Variants in PTPRG observed in about 807,000 individuals in gnomAD.
PTPRG encodes the protein receptor-type tyrosine-protein phosphatase gamma.
A neutral mutation model predicts 165.3 loss-of-function variants in PTPRG; 102 were observed. The observed-to-expected ratio is 0.62, with a 90% confidence interval of 0.53 to 0.73. The LOEUF is 0.73. Among genes scored for constraint, PTPRG ranks in the 30% least tolerant of loss-of-function variants. The probability of loss-of-function intolerance (pLI) is 0.00; values close to 1 mark genes in which losing one functional copy is unlikely to be tolerated. For missense variants in PTPRG, 1,866 were observed against 1,861.4 expected, an observed-to-expected ratio of 1.00 and a Z score of -0.05; for synonymous variants, 675 against 669.5, an observed-to-expected ratio of 1.01 and a Z score of -0.13.
intron 28 of PTPRG, among the ~76,000 whole-genome samples, chr3:62,288,177 A>G (rs1240373948): frequency 6.6e-6 from 1 of 151,902 alleles, no homozygotes; most frequent in Non-Finnish European, 1.5e-5. Flanking sequence ...TAAACTCTAC[A>G]TATTAGAAAG....
At chr3:61,685,747 A>G (rs1703605139) in intron 1 of PTPRG, among the ~76,000 whole-genome samples, 2 of 152,164 alleles carry the variant, frequency 1.3e-5, no homozygotes, top group African/African-American at 4.8e-5. Context: ...TACTTCTGTC[A>G]CATGTAGTTT....
chr3:62,287,694 T>TAAACTGAGCGACCAGGATACATTTGATC (rs1264249121), intron 28 of PTPRG, among the ~76,000 whole-genome samples: 1 of 152,148 alleles, frequency 6.6e-6, no homozygotes, highest in Admixed American at 6.6e-5. Flanking sequence ...ATTCAGTTCT[T>TAAACTGAGCGACCAGGATACATTTGATC]AAACTGAGCG....
intron 2 of PTPRG, among the ~76,000 whole-genome samples, chr3:61,760,218 G>C (rs114238784): frequency 1.3e-3 from 203 of 152,056 alleles, no homozygotes; most frequent in African/African-American, 4.6e-3. Flanking sequence ...AATGACAAAG[G>C]GTATAATAAT....
intron 2 of PTPRG, among the ~76,000 whole-genome samples, chr3:61,854,173 A>T (rs1216350030): frequency 6.6e-6 from 1 of 152,232 alleles, no homozygotes; most frequent in South Asian, 2.1e-4. Context: ...AGTACTACAC[A>T]CATGCACAAC....
intron 1 of PTPRG, among the ~76,000 whole-genome samples, chr3:61,598,517 A>T (rs895119581): frequency 6.6e-6 from 1 of 152,128 alleles, no homozygotes; most frequent in Non-Finnish European, 1.5e-5. Context: ...GCTATAAGAC[A>T]CGCTCATTAA....
intron 1 of PTPRG, among the ~76,000 whole-genome samples, chr3:61,575,757 G>C (rs1439029123): frequency 6.6e-6 from 1 of 151,814 alleles, no homozygotes; most frequent in African/African-American, 2.4e-5. Context: ...ATGCCACCAC[G>C]CCCGGCTAAT....
At chr3:62,161,416 A>G (rs970124840) in intron 7 of PTPRG, among the ~76,000 whole-genome samples, 1 of 152,222 alleles carries the variant, frequency 6.6e-6, no homozygotes, top group Non-Finnish European at 1.5e-5. Flanking sequence ...CAATATTATC[A>G]CTGCAAATGT....
intron 4 of PTPRG, among the ~76,000 whole-genome samples, chr3:62,037,055 T>C (rs1377459414): frequency 1.3e-5 from 2 of 151,822 alleles, no homozygotes; most frequent in South Asian, 2.1e-4. Context: ...TATTTAATGA[T>C]AATAATCTTT....
intron 3 of PTPRG, among the ~76,000 whole-genome samples, chr3:61,995,116 T>C: frequency 7.2e-6 from 1 of 138,308 alleles, no homozygotes; most frequent in Admixed American, 7.6e-5. Context: ...TGAGACAGAG[T>C]CTTGCTATGT....
chr3:61,768,168 A>G (rs2034094093), intron 2 of PTPRG, among the ~76,000 whole-genome samples: 1 of 152,184 alleles, frequency 6.6e-6, no homozygotes, highest in African/African-American at 2.4e-5. Flanking sequence ...TTTGATCAAG[A>G]CAGAGAGTTA....
chr3:62,014,056 G>A (rs1342600014), intron 4 of PTPRG, among the ~76,000 whole-genome samples: 1 of 152,168 alleles, frequency 6.6e-6, no homozygotes, highest in African/African-American at 2.4e-5. Flanking sequence ...CAAAATTTGA[G>A]CGGGAAGGTT....
At chr3:61,813,412 G>A (rs1270762917) in intron 2 of PTPRG, among the ~76,000 whole-genome samples, 16 of 150,584 alleles carry the variant, frequency 1.1e-4, no homozygotes, top group Non-Finnish European at 2.4e-4. Flanking sequence ...CTGCTTGGGA[G>A]GCTGAGGCAC....
intron 7 of PTPRG, among the ~76,000 whole-genome samples, chr3:62,160,089 C>T (rs542955851): frequency 1.3e-5 from 2 of 152,198 alleles, no homozygotes; most frequent in Non-Finnish European, 2.9e-5. Flanking sequence ...CCTAGTCTCT[C>T]GTTCTTCTAC....
At chr3:61,637,347 T>G (rs1701939266) in intron 1 of PTPRG, among the ~76,000 whole-genome samples, 2 of 152,152 alleles carry the variant, frequency 1.3e-5, no homozygotes. Flanking sequence ...TTAACTTGGG[T>G]AATTTTCTCA....
intron 2 of PTPRG, among the ~76,000 whole-genome samples, chr3:61,953,904 C>G (rs1008619487): frequency 6.6e-6 from 1 of 152,130 alleles, no homozygotes; most frequent in African/African-American, 2.4e-5. Context: ...GATGCTTTGA[C>G]CTGTTCCTAT....
Position 62,233,439 on chromosome 3 carries a change from A to G in PTPRG, c.2375+2128A>G, listed in dbSNP as rs539760247. On this transcript the variant is annotated intron_variant, in intron 14 of 29. Coordinates refer to ENST00000474889, the MANE Select transcript of PTPRG (RefSeq NM_002841.4). This position sits in a 1 kb window ranked among gnomAD's most constrained non-coding sequence, Gnocchi z 4.7. ...GCTGCTGTTCTATAAAAGGGCTTTG[A>G]AAGACAGGGTGCCCCCTACCTCTGT... Among the ~76,000 whole-genome samples, 1 of 152,214 alleles carries G rather than the reference A, an allele frequency of 6.6e-6. No homozygotes were observed. The highest frequency in any genetic ancestry group is 2.4e-5 in the African/African-American group (1 of 41,536).
At chr3:61,732,404 T>C (rs1039260658) in intron 1 of PTPRG, among the ~76,000 whole-genome samples, 6 of 151,862 alleles carry the variant, frequency 4.0e-5, no homozygotes, top group Non-Finnish European at 7.4e-5. Flanking sequence ...GGTGAAACCC[T>C]GTCTCTACTA....
intron 1 of PTPRG, among the ~76,000 whole-genome samples, chr3:61,645,638 G>T (rs563490105): frequency 6.6e-6 from 1 of 152,200 alleles, no homozygotes; most frequent in Admixed American, 6.5e-5. Context: ...CCACGGGTTG[G>T]CAAATTTTTT....
intron 4 of PTPRG, among the ~76,000 whole-genome samples, chr3:62,053,126 A>G (rs1700516484): frequency 6.6e-6 from 1 of 152,182 alleles, no homozygotes; most frequent in East Asian, 1.9e-4. Context: ...CTAAGGATAC[A>G]TCAAACTCTT....
Sources: allele counts gnomAD v4.1 joint callset (sites outside exome capture counted in the v4.1 genomes callset), GRCh38; gene constraint gnomAD v4.1.1; non-coding constraint Gnocchi (gnomAD v3.1); transcripts MANE v1.5; gene names NCBI Gene and HGNC (gene_info 2026-07-23, HGNC 2026-07-21).